The following CCSER1 variants were observed in gnomAD, a reference collection of about 807,000 sequenced individuals.
CCSER1 encodes coiled-coil serine rich protein 1, also known as serine-rich coiled-coil domain-containing protein 1.
Under a neutral mutation model 82.0 loss-of-function variants are expected in CCSER1, and 41 were observed. The ratio of observed to expected loss-of-function variants is 0.50; its 90% CI spans 0.39 to 0.65. The LOEUF (loss-of-function observed/expected upper bound fraction) is 0.65, where lower values mean the gene tolerates loss of function less well. CCSER1 is among the 30% of genes least tolerant of loss of function. The pLI is 0.00. For synonymous variants in CCSER1, 414 were observed against 383.9 expected (o/e 1.08, Z -0.92); for missense variants, 1,119 against 1,064.2 (o/e 1.05, Z -0.72).
chr4:90,965,843 G>T (rs2150386527), intron 9 of CCSER1, among the ~76,000 whole-genome samples: 1 of 152,200 alleles, frequency 6.6e-6, no homozygotes, highest in Non-Finnish European at 1.5e-5. Flanking sequence ...TTTAAGAAGT[G>T]ATGGAAGCCA....
chr4:91,035,219 A>C (rs895227363), intron 9 of CCSER1, among the ~76,000 whole-genome samples: 1 of 151,122 alleles, frequency 6.6e-6, no homozygotes, highest in Non-Finnish European at 1.5e-5. Context: ...GATTAGTATT[A>C]AACATTCATG....
chr4:90,674,567 T>G (rs1579872246), intron 6 of CCSER1, among the ~76,000 whole-genome samples: 2 of 152,030 alleles, frequency 1.3e-5, no homozygotes, highest in East Asian at 3.9e-4. Flanking sequence ...CGGCATTGTT[T>G]TATTACCAAA....
intron 10 of CCSER1, among the ~76,000 whole-genome samples, chr4:91,216,337 T>G (rs1451785105): frequency 6.6e-6 from 1 of 152,212 alleles, no homozygotes; most frequent in East Asian, 1.9e-4. Flanking sequence ...TTTGTTTGTT[T>G]GAGACAGAGT....
intron 10 of CCSER1, among the ~76,000 whole-genome samples, chr4:91,419,832 G>A (rs987561261): frequency 6.6e-6 from 1 of 151,974 alleles, no homozygotes; most frequent in African/African-American, 2.4e-5. Context: ...AAAACATGAT[G>A]GTACTGGCAT....
intron 9 of CCSER1, among the ~76,000 whole-genome samples, chr4:91,058,165 C>T (rs1019205790): frequency 4.6e-5 from 7 of 152,022 alleles, no homozygotes; most frequent in Non-Finnish European, 8.8e-5. Flanking sequence ...CTCCCTTCTC[C>T]CACCCTTCAC....
intron 10 of CCSER1, among the ~76,000 whole-genome samples, chr4:91,408,760 G>A (rs1281998468): frequency 2.0e-5 from 3 of 152,154 alleles, no homozygotes; most frequent in African/African-American, 7.2e-5. Flanking sequence ...AGAAACAAAG[G>A]AAAATGTTAT....
intron 6 of CCSER1, among the ~76,000 whole-genome samples, chr4:90,708,167 G>A (rs909967441): frequency 3.3e-5 from 5 of 152,102 alleles, no homozygotes; most frequent in African/African-American, 1.2e-4. Flanking sequence ...CATCTCACAA[G>A]CCATCATTTC....
At chr4:90,425,466 A>G (rs1194365742) in intron 4 of CCSER1, among the ~76,000 whole-genome samples, 1 of 152,206 alleles carries the variant, frequency 6.6e-6, no homozygotes, top group Non-Finnish European at 1.5e-5. Context: ...AGCAATGTAC[A>G]TCTATAGTCA....
At chr4:90,525,305 T>C (rs952056114) in intron 5 of CCSER1, among the ~76,000 whole-genome samples, 6 of 152,134 alleles carry the variant, frequency 3.9e-5, no homozygotes, top group African/African-American at 1.4e-4. Context: ...TTCTGTAATA[T>C]AAACGATAGC....
Position 91,586,837 on chromosome 4 carries a change from A to G in CCSER1, c.2218-11735A>G, listed in dbSNP as rs184835119. ...TTTTGCTCTTTTGATTTTTATTTAT[A>G]GTAGTCTAGTTCCTTAAGTAAAAGT... On this transcript the variant is annotated intron_variant, in intron 10 of 10. Coordinates refer to ENST00000509176, the MANE Select transcript of CCSER1 (RefSeq NM_001145065.2). Among the ~76,000 whole-genome samples the G allele has an allele frequency of 1.8e-3, 269 of 151,858 alleles. 3 individuals are homozygous for G. The highest frequency in any genetic ancestry group is 6.3e-3 in the African/African-American group (260 of 41,516).
At chr4:90,263,343 G>A (rs1344891244) in intron 1 of CCSER1, among the ~76,000 whole-genome samples, 1 of 152,180 alleles carries the variant, frequency 6.6e-6, no homozygotes, top group South Asian at 2.1e-4. Context: ...CAAAGAATCC[G>A]GCTATGTGAA....
chr4:90,921,582 T>A (rs543510156), intron 8 of CCSER1, among the ~76,000 whole-genome samples: 2 of 152,122 alleles, frequency 1.3e-5, no homozygotes, highest in South Asian at 2.1e-4. Context: ...TTATTTATCA[T>A]TATTTGAATT....
chr4:90,970,573 A>C (rs957326370), intron 9 of CCSER1, among the ~76,000 whole-genome samples: 2 of 151,992 alleles, frequency 1.3e-5, no homozygotes, highest in African/African-American at 2.4e-5. Flanking sequence ...GAAACAACAG[A>C]CATGAATAAC....
At chr4:91,029,967 A>C (rs1740828544) in intron 9 of CCSER1, among the ~76,000 whole-genome samples, 1 of 151,830 alleles carries the variant, frequency 6.6e-6, no homozygotes, top group Non-Finnish European at 1.5e-5. Flanking sequence ...TGCCTTCTGC[A>C]ATATTTACTG....
At chr4:91,355,722 G>A (rs1560608162) in intron 10 of CCSER1, among the ~76,000 whole-genome samples, 1 of 152,274 alleles carries the variant, frequency 6.6e-6, no homozygotes, top group East Asian at 1.9e-4. Context: ...TGTGACTGGA[G>A]CAGGGCTTGT....
At chr4:90,888,673 C>G (rs1215272932) in intron 8 of CCSER1, among the ~76,000 whole-genome samples, 1 of 151,966 alleles carries the variant, frequency 6.6e-6, no homozygotes, top group African/African-American at 2.4e-5. Context: ...TCTTTTCATT[C>G]AAAATCAAGT....
chr4:91,004,668 T>C (rs777957809), intron 9 of CCSER1, among the ~76,000 whole-genome samples: 6 of 152,208 alleles, frequency 3.9e-5, no homozygotes, highest in Non-Finnish European at 8.8e-5. Context: ...ACAAATATAA[T>C]CTTAATGAAA....
chr4:90,296,151 G>A (rs1428873816), intron 1 of CCSER1, among the ~76,000 whole-genome samples: 1 of 152,038 alleles, frequency 6.6e-6, no homozygotes, highest in Non-Finnish European at 1.5e-5. Flanking sequence ...CAGACTCTGA[G>A]ACAGTCTTTG....
At chr4:90,882,340 G>C (rs1056829539) in intron 8 of CCSER1, among the ~76,000 whole-genome samples, 3 of 151,974 alleles carry the variant, frequency 2.0e-5, no homozygotes, top group African/African-American at 4.8e-5. Context: ...ACAGCATTGA[G>C]AAACCCTAAA....
Sources: gnomAD v4.1 joint callset for allele counts (sites outside exome capture counted in the v4.1 genomes callset) on GRCh38, gnomAD v4.1.1 for gene constraint, MANE v1.5 for transcripts, NCBI Gene and HGNC (gene_info 2026-07-23, HGNC 2026-07-21) for gene names.